Variants in BTN3A1 observed in about 807,000 individuals in gnomAD.
BTN3A1 encodes butyrophilin subfamily 3 member A1.
A neutral mutation model predicts 43.0 loss-of-function variants in BTN3A1; 24 were observed. The observed-to-expected ratio is 0.56, with a 90% confidence interval of 0.40 to 0.78. The LOEUF is 0.78. BTN3A1 is among the 30% of genes least tolerant of loss of function. BTN3A1 has a pLI of 0.00. For missense variants in BTN3A1, 533 were observed against 626.2 expected (o/e 0.85, Z 1.59); for synonymous variants, 181 against 234.7 (o/e 0.77, Z 2.09).
At chr6:26,407,480 G>A (rs951426886) in intron 3 of BTN3A1, among the ~76,000 whole-genome samples, 191 bp from the exon 4 acceptor site, 1 of 152,176 alleles carries the variant, frequency 6.6e-6, no homozygotes, top group Admixed American at 6.5e-5. Context: ...GGTGGGAATA[G>A]CCCCACTGTT....
chr6:26,411,525 T>C (rs757709470), intron 8 of BTN3A1, 30 bp from the exon 9 acceptor site: 15 of 1,610,722 alleles, frequency 9.3e-6, no homozygotes, highest in African/African-American at 1.3e-5. Flanking sequence ...AATACTGACC[T>C]TTTCCTTATC....
chr6:26,412,490 G>T (rs537547277), intron 9 of BTN3A1: 3 of 1,547,460 alleles, frequency 1.9e-6, no homozygotes, highest in East Asian at 4.9e-5. Flanking sequence ...TCTGCCCAGA[G>T]GACAGATTCC....
chr6:26,405,679 G>T (rs1761991051), intron 2 of BTN3A1, 31 bp downstream of exon 2: 1 of 1,611,730 alleles, frequency 6.2e-7, no homozygotes, highest in African/African-American at 1.3e-5. Context: ...TGTTTCTGAA[G>T]CAGACAATTA....
At chr6:26,404,637 G>T (rs570226691) in intron 1 of BTN3A1, 1 of 152,326 alleles carries the variant, frequency 6.6e-6, no homozygotes, top group African/African-American at 2.4e-5. Context: ...TGGGTGGCTG[G>T]TTCAGTTGGT....
rs1307362837 is a variant in BTN3A1, at chr6:26,409,646, A to G, written c.829A>G (p.Lys277Glu). 1.2e-6 allele frequency: 2 copies of G among 1,604,430 alleles called. No homozygotes were observed. Among genetic ancestry groups the G allele is most frequent in the Admixed American group, 1.8e-5 (1 of 56,096 alleles). ...CTTCCTGTGGCAACAGCAGGAGGAA[A>G]AAAAGACTCAGTTCAGAAAGAAAAA... is the stretch of plus-strand genomic sequence containing the variant. The part of the protein sequence containing the change: ...GYFLWQQQEE[K>E]KTQFRKKKRE... The change falls in exon 5 of 10, where the codon AAA (lysine) becomes GAA (glutamate). Residue 277 changes from lysine (K) to glutamate (E), a missense_variant. Lys to Glu is a moderately conservative substitution (Grantham distance 56). Around this residue, in one of 4 missense-constraint regions of BTN3A1, gnomAD observed 415 missense variants for 427.0 expected, o/e 0.97. Transcript: ENST00000289361.
chr6:26,408,961 C>A (rs1398006842), intron 4 of BTN3A1, among the ~76,000 whole-genome samples: 1 of 152,130 alleles, frequency 6.6e-6, no homozygotes, highest in African/African-American at 2.4e-5. Flanking sequence ...ATAACACTCA[C>A]TAGGTGTCAG....
Position 26,413,267 on chromosome 6 carries a change from G to C in BTN3A1, c.1117G>C (p.Asp373His). 1 of 1,614,198 alleles carries C rather than the reference G, an allele frequency of 6.2e-7. No individual in the cohort carries two copies. Among genetic ancestry groups the C allele is most frequent in the Non-Finnish European group, 8.5e-7 (1 of 1,180,036 alleles). Residue 373 changes from aspartate (D) to histidine (H), a missense_variant, in exon 10 of 10, where the codon GAC (aspartate) becomes CAC (histidine). Asp to His is a moderately conservative substitution (Grantham distance 81, BLOSUM62 -1). This residue lies in a region of BTN3A1 where 415 missense variants were observed against 427.0 expected (regional missense o/e 0.97). Transcript: ENST00000289361. ...TGCCAAGGAGCCCCAGGATCTGCCA[G>C]ACAACCCTGAGAGATTTAATTGGCA... ...QRAKEPQDLP[D>H]NPERFNWHYC...
intron 1 of BTN3A1, among the ~76,000 whole-genome samples, chr6:26,402,638 G>C (rs1169641979): frequency 6.6e-6 from 1 of 152,238 alleles, no homozygotes; most frequent in African/African-American, 2.4e-5. Context: ...TAGTCTAATT[G>C]CATGTTCTTA....
chr6:26,412,975 C>A (rs1342007356), intron 9 of BTN3A1, 194 bp from the exon 10 acceptor site: 1 of 1,458,026 alleles, frequency 6.9e-7, no homozygotes, highest in East Asian at 2.5e-5. Flanking sequence ...CCTCCTCTTC[C>A]CCTCTGGACA....
At chr6:26,411,071 C>T in intron 7 of BTN3A1, 38 bp from the exon 8 acceptor site, 2 of 1,544,760 alleles carry the variant, frequency 1.3e-6, no homozygotes, top group Admixed American at 1.9e-5. Context: ...TCAAAAATGG[C>T]AAGTTCAGGT....
intron 9 of BTN3A1, 61 bp downstream of exon 9, chr6:26,411,642 T>C: frequency 6.4e-7 from 1 of 1,559,536 alleles, no homozygotes; most frequent in Non-Finnish European, 8.7e-7. Flanking sequence ...TCCTTTTTCC[T>C]TTTTACTTCT....
chr6:26,411,000 T>TA (rs1170183887), intron 7 of BTN3A1, 109 bp from the exon 8 acceptor site: 15,934 of 357,638 alleles, frequency 0.045, 108 homozygotes, highest in African/African-American at 0.06. Flanking sequence ...ATACAGGTGG[T>TA]AAAAAAAAAA....
chr6:26,404,747 T>A (rs1761955499), intron 1 of BTN3A1, among the ~76,000 whole-genome samples: 4 of 152,220 alleles, frequency 2.6e-5, no homozygotes, highest in African/African-American at 9.6e-5. Context: ...CATCAGGAAG[T>A]GGAACTGCTG....
At chr6:26,404,853 G>C (rs1347578510) in intron 1 of BTN3A1, among the ~76,000 whole-genome samples, 3 of 152,228 alleles carry the variant, frequency 2.0e-5, no homozygotes, top group Non-Finnish European at 1.5e-5. Flanking sequence ...CAAAGAGCTT[G>C]TGAATCTTAG....
At chr6:26,410,172 T>G in intron 7 of BTN3A1, 140 bp downstream of exon 7, 4 of 1,000,374 alleles carry the variant, frequency 4.0e-6, no homozygotes, top group Non-Finnish European at 5.9e-6. Flanking sequence ...ATGTGCCAAT[T>G]CCTAGTCATT....
chr6:26,412,839 A>G, intron 9 of BTN3A1: 1 of 1,542,000 alleles, frequency 6.5e-7, no homozygotes, highest in Non-Finnish European at 8.8e-7. Context: ...CTGAGTATAA[A>G]GCATTAGTGG....
intron 9 of BTN3A1, 156 bp downstream of exon 9, chr6:26,411,737 G>T: frequency 1.1e-6 from 1 of 912,672 alleles, no homozygotes. Context: ...CTGAAAAGTG[G>T]GCCCATCTCC....
chr6:26,407,672 A>C lies in BTN3A1; in HGVS notation c.435A>C (p.Ala145=), dbSNP rs746284813. 6.2e-7 allele frequency: 1 copy of C among 1,613,948 alleles called. No homozygotes were observed. The highest frequency in any genetic ancestry group is 1.7e-5 in the Admixed American group (1 of 60,014). Residue 145 remains alanine, a splice_region_variant and synonymous_variant, in exon 4 of 10, where the codon GCA becomes GCC. Transcript: ENST00000289361. The stretch of plus-strand genomic sequence containing the variant: ...TTAGGCTAATTCATCCTTCCACAGC[A>C]CTGGGTTCTGATCTTCACGTTGATG... ...EKALVELKVA[A]LGSDLHVDVK...
intron 7 of BTN3A1, 145 bp downstream of exon 7, chr6:26,410,177 G>C: frequency 3.3e-6 from 3 of 895,588 alleles, no homozygotes; most frequent in Non-Finnish European, 5.0e-6. Flanking sequence ...CCAATTCCTA[G>C]TCATTGCCAA....
Sources: allele counts gnomAD v4.1 joint callset (sites outside exome capture counted in the v4.1 genomes callset), GRCh38; gene constraint gnomAD v4.1.1; regional missense constraint gnomAD v4.1.1; transcripts MANE v1.5; gene names NCBI Gene and HGNC (gene_info 2026-07-23, HGNC 2026-07-21).